Variants in ARHGAP12 observed in about 807,000 individuals in gnomAD.
ARHGAP12 encodes rho GTPase-activating protein 12.
ARHGAP12 carries 64 observed loss-of-function variants against 108.6 expected under a neutral mutation model. The observed-to-expected ratio is 0.59, with a 90% CI of 0.48 to 0.73. The LOEUF (loss-of-function observed/expected upper bound fraction) is 0.73, where lower values mean the gene tolerates loss of function less well. Ranked by LOEUF, ARHGAP12 falls within the 30% of genes least tolerant of loss-of-function variation. The pLI is 0.00. For missense variants in ARHGAP12, 940 were observed against 1,005.9 expected (o/e 0.93, Z 0.89); for synonymous variants, 312 against 337.2 (o/e 0.93, Z 0.82).
intron 9 of ARHGAP12, among the ~76,000 whole-genome samples, chr10:31,833,454 C>T (rs1030988271): frequency 1.6e-4 from 25 of 151,984 alleles, no homozygotes; most frequent in Non-Finnish European, 1.6e-4. Context: ...GAGTCTAGAT[C>T]AGGGATTCTC....
intron 1 of ARHGAP12, among the ~76,000 whole-genome samples, chr10:31,928,181 C>T (rs1467511382): frequency 6.6e-6 from 1 of 151,438 alleles, no homozygotes; most frequent in Non-Finnish European, 1.5e-5. Context: ...TGCGCACACA[C>T]ACACACACAC....
chr10:31,853,141 C>T (rs1836762608), intron 5 of ARHGAP12, among the ~76,000 whole-genome samples: 2 of 152,198 alleles, frequency 1.3e-5, no homozygotes, highest in South Asian at 4.1e-4. Flanking sequence ...CCTCCAATGT[C>T]TGGCTAGCTG....
In ARHGAP12 at chr10:31,812,721, T is replaced by C. The variant is rs748240527; in HGVS notation, c.1937A>G (p.Lys646Arg). 1 of 1,603,484 alleles carries C rather than the reference T, an allele frequency of 6.2e-7. No individual in the cohort carries two copies. Among genetic ancestry groups the C allele is most frequent in the Admixed American group, 1.7e-5 (1 of 59,306 alleles). ...RRPTLQAVREKGYIKDQVFGS... is the reference protein window; with the variant it reads ...RRPTLQAVRERGYIKDQVFGS... ...CTCCTACCAACCTTTAATATAACCT[T>C]TTTCACGAACAGCTTGCAAAGTGGG... Residue 646 changes from lysine to arginine, a missense_variant, in exon 15 of 20, where the codon AAA becomes AGA. Lys to Arg is a conservative substitution (Grantham distance 26, BLOSUM62 2). Transcript: ENST00000344936.
At chr10:31,896,547 T>C (rs146682044) in intron 3 of ARHGAP12, among the ~76,000 whole-genome samples, 23 of 152,206 alleles carry the variant, frequency 1.5e-4, no homozygotes, top group African/African-American at 4.3e-4. Flanking sequence ...TTTCTAATGA[T>C]AGGGACCTGG....
At chr10:31,870,933 G>A (rs1486371622) in intron 3 of ARHGAP12, among the ~76,000 whole-genome samples, 1 of 152,152 alleles carries the variant, frequency 6.6e-6, no homozygotes, top group African/African-American at 2.4e-5. Flanking sequence ...TTATGAGCTA[G>A]GCAGTAGATG....
intron 1 of ARHGAP12, among the ~76,000 whole-genome samples, chr10:31,915,072 G>A (rs988994997): frequency 6.6e-6 from 1 of 152,166 alleles, no homozygotes; most frequent in Non-Finnish European, 1.5e-5. Context: ...ACTCACATGT[G>A]GAATCTAAAA....
chr10:31,839,500 T>A, intron 8 of ARHGAP12, 137 bp downstream of exon 8: 1 of 1,122,170 alleles, frequency 8.9e-7, no homozygotes, highest in Non-Finnish European at 1.2e-6. Flanking sequence ...TTAAACTTAT[T>A]TTGATTGTGA....
rs772896374 is a variant in ARHGAP12, at chr10:31,843,436, T to C, written c.1296+25A>G. ...CACTGTACAATATAATGCAAAGAAC[T>C]TGCCAAAAATCTCAACAGTCCTACC... On this transcript the variant is annotated intron_variant, in intron 7 of 19. Coordinates refer to ENST00000344936, the MANE Select transcript of ARHGAP12 (RefSeq NM_018287.7). 7.3e-5 allele frequency: 117 copies of C among 1,604,064 alleles called. No homozygotes were observed. In the Middle Eastern group the frequency reaches 1.5e-3, roughly 20 times the overall value.
chr10:31,843,452 C>A lies in ARHGAP12; in HGVS notation c.1296+9G>T. On this transcript the variant is annotated intron_variant, in intron 7 of 19. Coordinates refer to ENST00000344936, the MANE Select transcript of ARHGAP12 (RefSeq NM_018287.7). ...GCAAAGAACTTGCCAAAAATCTCAA[C>A]AGTCCTACCTTATCATTAGTGTCCA... The A allele has an allele frequency of 6.2e-7, 1 of 1,606,858 alleles. No homozygotes were observed. Among genetic ancestry groups the A allele is most frequent in the Admixed American group, 1.7e-5 (1 of 57,794 alleles).
chr10:31,914,139 T>G (rs1225697189), intron 1 of ARHGAP12, among the ~76,000 whole-genome samples: 1 of 152,352 alleles, frequency 6.6e-6, no homozygotes, highest in East Asian at 1.9e-4. Context: ...AAATTCTGAA[T>G]GCTTCTAATA....
At chr10:31,911,924 A>C (rs796168502) in intron 1 of ARHGAP12, among the ~76,000 whole-genome samples, 2 of 152,214 alleles carry the variant, frequency 1.3e-5, no homozygotes. Context: ...CTATTAATAC[A>C]TAATAACCAA....
chr10:31,871,842 G>T (rs1837553472), intron 3 of ARHGAP12, among the ~76,000 whole-genome samples: 1 of 152,126 alleles, frequency 6.6e-6, no homozygotes, highest in Non-Finnish European at 1.5e-5. Flanking sequence ...GAGAGTCATG[G>T]GAGTGCACAA....
At chr10:31,901,340 T>C (rs1379141315) in intron 3 of ARHGAP12, among the ~76,000 whole-genome samples, 1 of 151,748 alleles carries the variant, frequency 6.6e-6, no homozygotes, top group Non-Finnish European at 1.5e-5. Context: ...GACACCAGCC[T>C]GGCCAACATG....
At chr10:31,924,347 C>A (rs942090091) in intron 1 of ARHGAP12, among the ~76,000 whole-genome samples, 1 of 152,088 alleles carries the variant, frequency 6.6e-6, no homozygotes, top group Non-Finnish European at 1.5e-5. Flanking sequence ...GGAAACAGTA[C>A]AAACCTCAAA....
intron 6 of ARHGAP12, among the ~76,000 whole-genome samples, chr10:31,850,114 T>A (rs1380522160): frequency 6.6e-6 from 1 of 152,152 alleles, no homozygotes; most frequent in Non-Finnish European, 1.5e-5. Context: ...GAAACCACTA[T>A]GAAGAAAGAT....
intron 3 of ARHGAP12, among the ~76,000 whole-genome samples, chr10:31,890,743 T>C (rs1212176021): frequency 6.6e-6 from 1 of 152,208 alleles, no homozygotes; most frequent in Admixed American, 6.5e-5. Flanking sequence ...GTACCATCTA[T>C]GTAGAAACAG....
chr10:31,891,099 C>T (rs1432711214), intron 3 of ARHGAP12, among the ~76,000 whole-genome samples: 3 of 152,092 alleles, frequency 2.0e-5, no homozygotes, highest in Non-Finnish European at 2.9e-5. Context: ...ATAACAAATT[C>T]GGGAACTGGT....
chr10:31,859,523 C>T (rs979083594), intron 4 of ARHGAP12, among the ~76,000 whole-genome samples: 2 of 152,152 alleles, frequency 1.3e-5, no homozygotes, highest in South Asian at 2.1e-4. Context: ...CTCAAGAAGT[C>T]GCTGGAAGAT....
chr10:31,887,522 T>C (rs1838231850), intron 3 of ARHGAP12, among the ~76,000 whole-genome samples: 1 of 152,194 alleles, frequency 6.6e-6, no homozygotes, highest in African/African-American at 2.4e-5. Flanking sequence ...TACTACATTA[T>C]CTGTTGTCAA....
Sources: allele counts gnomAD v4.1 joint callset (sites outside exome capture counted in the v4.1 genomes callset), GRCh38; gene constraint gnomAD v4.1.1; transcripts MANE v1.5; gene names NCBI Gene and HGNC (gene_info 2026-07-23, HGNC 2026-07-21).